Variants in NTRK2 observed in about 807,000 individuals in gnomAD.
NTRK2 encodes neurotrophic receptor tyrosine kinase 2, also known as BDNF/NT-3 growth factors receptor.
A neutral mutation model predicts 94.5 loss-of-function variants in NTRK2; 13 were observed. The ratio of observed to expected loss-of-function variants is 0.14; its 90% CI spans 0.09 to 0.22. The LOEUF (loss-of-function observed/expected upper bound fraction) is 0.22. Among genes scored for constraint, NTRK2 ranks in the 10% least tolerant of loss-of-function variants. The probability of loss-of-function intolerance (pLI) is 1.00; values close to 1 mark genes in which losing one functional copy is unlikely to be tolerated. For synonymous variants in NTRK2, 372 were observed against 407.4 expected (o/e 0.91, Z 1.05); for missense variants, 639 against 1,071.2 (o/e 0.60, Z 5.63).
At chr9:84,896,323 C>G (rs2076756675) in intron 14 of NTRK2, among the ~76,000 whole-genome samples, 1 of 152,150 alleles carries the variant, frequency 6.6e-6, no homozygotes, top group Non-Finnish European at 1.5e-5. Flanking sequence ...TCTTCTTTGC[C>G]CACTGCTGTA....
chr9:84,935,202 G>A (rs1564479421), intron 15 of NTRK2, among the ~76,000 whole-genome samples: 1 of 150,874 alleles, frequency 6.6e-6, no homozygotes, highest in African/African-American at 2.4e-5. Context: ...AGATTATTGA[G>A]TTTTTTGCTG....
intron 12 of NTRK2, among the ~76,000 whole-genome samples, chr9:84,792,540 T>TA (rs1311678020): frequency 6.6e-6 from 1 of 152,170 alleles, no homozygotes; most frequent in African/African-American, 2.4e-5. Context: ...ACAACAAGAA[T>TA]AATACTAATA....
intron 14 of NTRK2, chr9:84,875,640 C>T: frequency 4.7e-6 from 5 of 1,058,324 alleles, no homozygotes; most frequent in Non-Finnish European, 5.7e-6. Flanking sequence ...GCCTTCACTT[C>T]CATCAAGGAT....
chr9:84,811,918 C>T (rs1424118790), intron 12 of NTRK2: 6 of 1,056,402 alleles, frequency 5.7e-6, no homozygotes, highest in Middle Eastern at 4.2e-4. Context: ...CACCCCACCC[C>T]ACCCCACCCT....
At position 84,965,432 on chromosome 9, in the gene NTRK2, G is replaced by A. The variant is rs180776889; in HGVS notation, c.2172+9915G>A. On this transcript the variant is annotated intron_variant, in intron 17 of 18. Transcript: ENST00000277120. ...TAGGCAGTGTGATACATGTTATGGA[G>A]AGCAGAGATAAACTGATTTGGGGGG... Among the ~76,000 whole-genome samples the A allele has an allele frequency of 1.4e-4, 22 of 152,332 alleles. 1 individual carries two copies. The Middle Eastern group carries it at 0.017, about 118-fold the overall frequency.
intron 14 of NTRK2, among the ~76,000 whole-genome samples, chr9:84,925,201 C>CTTTTTTTTTTTTTTT (rs562875058): frequency 1.4e-5 from 2 of 141,290 alleles, no homozygotes; most frequent in African/African-American, 5.2e-5. Context: ...TTCTCTTCTT[C>CTTTTTTTTTTTTTTT]TTTTTTTTTT....
chr9:84,759,891 TGAA>T (rs2065400420), intron 12 of NTRK2, among the ~76,000 whole-genome samples: 1 of 152,244 alleles, frequency 6.6e-6, no homozygotes, highest in Admixed American at 6.5e-5. Flanking sequence ...TCAGAATTTA[TGAA>T]GAAGACAGAT....
chr9:84,782,712 G>A (rs901903083), intron 12 of NTRK2, among the ~76,000 whole-genome samples: 2 of 152,062 alleles, frequency 1.3e-5, no homozygotes, highest in Admixed American at 6.6e-5. Context: ...CACATTTTCC[G>A]AGGCAGTGAC....
intron 14 of NTRK2, chr9:84,873,890 T>A (rs962060402): frequency 9.4e-7 from 1 of 1,061,220 alleles, no homozygotes; most frequent in African/African-American, 1.6e-5. Flanking sequence ...AGATTATGGA[T>A]TTAGGTCAGG....
At chr9:84,912,787 T>G (rs2077279488) in intron 14 of NTRK2, among the ~76,000 whole-genome samples, 1 of 151,826 alleles carries the variant, frequency 6.6e-6, no homozygotes, top group African/African-American at 2.4e-5. Flanking sequence ...CCGGCTAATT[T>G]TTGTATTTTT....
At chr9:84,701,944 C>T (rs2060754778) in intron 2 of NTRK2, among the ~76,000 whole-genome samples, 1 of 152,096 alleles carries the variant, frequency 6.6e-6, no homozygotes, top group Admixed American at 6.5e-5. Context: ...AGAAATGAAA[C>T]CCAGTGCAAG....
chr9:84,709,812 T>G (rs1431142259), intron 5 of NTRK2, among the ~76,000 whole-genome samples: 1 of 152,198 alleles, frequency 6.6e-6, no homozygotes, highest in Admixed American at 6.5e-5. Flanking sequence ...GTTTTTATTT[T>G]CCTCTTGACT....
intron 4 of NTRK2, among the ~76,000 whole-genome samples, chr9:84,706,781 C>T (rs1165608428): frequency 6.6e-6 from 1 of 151,682 alleles, no homozygotes; most frequent in Non-Finnish European, 1.5e-5. Flanking sequence ...CCACCCACCT[C>T]GGCCTCCCAA....
chr9:84,721,686 T>C (rs948211722), intron 6 of NTRK2, among the ~76,000 whole-genome samples: 2 of 152,066 alleles, frequency 1.3e-5, no homozygotes, highest in African/African-American at 4.8e-5. Flanking sequence ...TGATACTTAG[T>C]GATGAGCAGA....
At chr9:84,719,017 T>C (rs2061889152) in intron 6 of NTRK2, among the ~76,000 whole-genome samples, 1 of 152,172 alleles carries the variant, frequency 6.6e-6, no homozygotes, top group African/African-American at 2.4e-5. Context: ...AATTTCTCTA[T>C]AAATAAAGGA....
At chr9:84,865,261 G>T (rs1012549120) in intron 13 of NTRK2, among the ~76,000 whole-genome samples, 1 of 152,150 alleles carries the variant, frequency 6.6e-6, no homozygotes, top group Admixed American at 6.5e-5. Flanking sequence ...TTCTAAATTG[G>T]CTGTGTGAGG....
At chr9:84,769,753 G>C (rs147023346) in intron 12 of NTRK2, among the ~76,000 whole-genome samples, 47 of 152,300 alleles carry the variant, frequency 3.1e-4, no homozygotes, top group African/African-American at 1.1e-3. Context: ...AACCACAACA[G>C]TAGTGGGTTG....
intron 11 of NTRK2, among the ~76,000 whole-genome samples, chr9:84,749,633 A>G (rs2064408859): frequency 6.6e-6 from 1 of 152,164 alleles, no homozygotes; most frequent in East Asian, 1.9e-4. Context: ...TTTATTATAT[A>G]TTGTAGTAGA....
intron 14 of NTRK2, among the ~76,000 whole-genome samples, chr9:84,884,367 G>T (rs1400969268): frequency 6.6e-5 from 10 of 152,198 alleles, no homozygotes; most frequent in Non-Finnish European, 2.9e-5. Context: ...TTGGAGGCCT[G>T]ATTAGGGCAC....
Sources: gnomAD v4.1 joint callset for allele counts (sites outside exome capture counted in the v4.1 genomes callset) on GRCh38, gnomAD v4.1.1 for gene constraint, MANE v1.5 for transcripts, NCBI Gene and HGNC (gene_info 2026-07-23, HGNC 2026-07-21) for gene names.